RASGRF2: variants seen among roughly 807,000 people sequenced by gnomAD.
RASGRF2 encodes the protein Ras protein specific guanine nucleotide releasing factor 2.
Under a neutral mutation model 151.0 loss-of-function variants are expected in RASGRF2, and 76 were observed. The observed-to-expected ratio is 0.50, with a 90% CI of 0.42 to 0.61. RASGRF2 has a LOEUF of 0.61. RASGRF2 is among the 20% of genes least tolerant of loss of function. The pLI is 0.00. For missense variants in RASGRF2, 1,148 were observed against 1,564.6 expected, an observed-to-expected ratio of 0.73 and a Z score of 4.49; for synonymous variants, 504 against 566.5, an observed-to-expected ratio of 0.89 and a Z score of 1.57.
At chr5:81,132,980 G>A (rs933005421) in intron 17 of RASGRF2, among the ~76,000 whole-genome samples, 2 of 152,186 alleles carry the variant, frequency 1.3e-5, no homozygotes, top group Admixed American at 6.5e-5. Flanking sequence ...CTGCTTTTGA[G>A]TCCAATCCAG....
chr5:81,042,754 T>C, intron 1 of RASGRF2, 123 bp from the exon 2 acceptor site: 1 of 664,328 alleles, frequency 1.5e-6, no homozygotes, highest in Non-Finnish European at 2.6e-6. Flanking sequence ...CATTTTGAAA[T>C]AAAATTTGCA....
intron 22 of RASGRF2, among the ~76,000 whole-genome samples, chr5:81,209,430 G>A (rs1226041029): frequency 1.3e-5 from 2 of 152,142 alleles, no homozygotes; most frequent in East Asian, 1.9e-4. Context: ...AAGGAATAAC[G>A]ATTTTAAAAA....
chr5:81,026,845 G>T (rs1221499437), intron 1 of RASGRF2, among the ~76,000 whole-genome samples: 2 of 152,214 alleles, frequency 1.3e-5, no homozygotes, highest in East Asian at 3.9e-4. Flanking sequence ...ATCAGTAGTT[G>T]CAGGAGCCCA....
At chr5:80,971,508 T>A (rs2112218491) in intron 1 of RASGRF2, among the ~76,000 whole-genome samples, 1 of 151,726 alleles carries the variant, frequency 6.6e-6, no homozygotes, top group African/African-American at 2.4e-5. Flanking sequence ...GCTTAAGTGA[T>A]CCTCCCACCT....
At chr5:81,064,082 G>T (rs1751522750) in intron 2 of RASGRF2, among the ~76,000 whole-genome samples, 1 of 152,188 alleles carries the variant, frequency 6.6e-6, no homozygotes, top group African/African-American at 2.4e-5. Context: ...CTGCCCAAAG[G>T]TATCTCACAA....
At chr5:81,049,327 G>T (rs1750935744) in intron 2 of RASGRF2, among the ~76,000 whole-genome samples, 1 of 152,126 alleles carries the variant, frequency 6.6e-6, no homozygotes, top group South Asian at 2.1e-4. Flanking sequence ...CATATGGATA[G>T]ATAGGTAGAA....
intron 17 of RASGRF2, among the ~76,000 whole-genome samples, chr5:81,160,981 G>C (rs1288437175): frequency 6.6e-6 from 1 of 152,200 alleles, no homozygotes; most frequent in Non-Finnish European, 1.5e-5. Context: ...AGGTAGGTAA[G>C]AAAGAGCTTT....
At chr5:81,099,934 G>A (rs900881262) in intron 12 of RASGRF2, among the ~76,000 whole-genome samples, 20 of 134,180 alleles carry the variant, frequency 1.5e-4, no homozygotes, top group African/African-American at 5.5e-4. Flanking sequence ...TTGAGACAGA[G>A]TCTCGCCCTG....
intron 12 of RASGRF2, among the ~76,000 whole-genome samples, chr5:81,097,711 T>C (rs1038195041): frequency 2.6e-5 from 4 of 151,750 alleles, no homozygotes; most frequent in Non-Finnish European, 2.9e-5. Context: ...GACTGTAAAG[T>C]AGGAGGATGC....
At position 81,132,415 on chromosome 5, in the gene RASGRF2, C is replaced by T. The variant is rs532001723; in HGVS notation, c.2686+5252C>T. 4.7e-4 allele frequency among the ~76,000 whole-genome samples: 71 copies of T among 152,188 alleles called. 1 individual carries two copies. Among genetic ancestry groups the T allele is most frequent in the African/African-American group, 1.6e-3 (68 of 41,532 alleles). The stretch of plus-strand genomic sequence containing the variant: ...GTAAAAGAGTTTTGTCTTATTTCTC[C>T]GACTGATCTGGGGAGGTGATACCAG... On this transcript the variant is annotated intron_variant, in intron 17 of 26. Coordinates refer to ENST00000265080, the MANE Select transcript of RASGRF2 (RefSeq NM_006909.3).
At chr5:81,032,340 C>CA (rs1452277637) in intron 1 of RASGRF2, among the ~76,000 whole-genome samples, 8 of 151,914 alleles carry the variant, frequency 5.3e-5, no homozygotes, top group Admixed American at 3.9e-4. Flanking sequence ...AGAGACACAA[C>CA]AAAAAAAGAG....
At chr5:80,981,745 T>A (rs1748309053) in intron 1 of RASGRF2, among the ~76,000 whole-genome samples, 1 of 152,104 alleles carries the variant, frequency 6.6e-6, no homozygotes. Flanking sequence ...TTTGTACTTT[T>A]AGTAGAAAAG....
chr5:81,197,636 CTCTTT>C lies in RASGRF2; in HGVS notation c.2794-3687_2794-3683del, dbSNP rs560215333. The stretch of plus-strand genomic sequence containing the variant: ...TTTTACCAAATATAGTAAAATCTTG[CTCTTT>C]TCTTTTTACCTGATTCGTTGCAATT... On this transcript the variant is annotated intron_variant, in intron 18 of 26. Transcript: ENST00000265080. 1.9e-3 allele frequency among the ~76,000 whole-genome samples: 290 copies of C among 152,232 alleles called. 1 individual carries two copies. Among genetic ancestry groups the C allele is most frequent in the Middle Eastern group, 6.8e-3 (2 of 294 alleles).
chr5:81,018,556 T>G (rs1044486924), intron 1 of RASGRF2, among the ~76,000 whole-genome samples: 1 of 152,180 alleles, frequency 6.6e-6, no homozygotes, highest in African/African-American at 2.4e-5. Flanking sequence ...TACTGAGATA[T>G]GTGAAGATTA....
chr5:81,058,957 C>G (rs891971322), intron 2 of RASGRF2, among the ~76,000 whole-genome samples: 1 of 151,852 alleles, frequency 6.6e-6, no homozygotes, highest in Non-Finnish European at 1.5e-5. Flanking sequence ...GTGCCAAGTC[C>G]CCAGGCCTGG....
At chr5:81,093,124 C>T (rs1198165485) in intron 10 of RASGRF2, among the ~76,000 whole-genome samples, 163 bp downstream of exon 10, 3 of 152,136 alleles carry the variant, frequency 2.0e-5, no homozygotes, top group East Asian at 1.9e-4. Flanking sequence ...CCATTTAATT[C>T]GTTGTCATTT....
intron 4 of RASGRF2, among the ~76,000 whole-genome samples, chr5:81,072,512 C>A (rs1751808273): frequency 6.6e-6 from 1 of 152,174 alleles, no homozygotes; most frequent in Non-Finnish European, 1.5e-5. Context: ...GAATTTACAA[C>A]CTACTTTGTT....
chr5:81,007,772 G>A (rs1201364410), intron 1 of RASGRF2, among the ~76,000 whole-genome samples: 1 of 152,130 alleles, frequency 6.6e-6, no homozygotes. Context: ...GGATAACCAT[G>A]TATTGTTCTT....
intron 1 of RASGRF2, among the ~76,000 whole-genome samples, chr5:81,024,249 A>ATT (rs397884951): frequency 0.021 from 1,529 of 71,668 alleles, 105 homozygotes; most frequent in East Asian, 0.13. Flanking sequence ...TATTCATATA[A>ATT]TTTTTTTTTT....
Sources: allele counts gnomAD v4.1 joint callset (sites outside exome capture counted in the v4.1 genomes callset), GRCh38; gene constraint gnomAD v4.1.1; transcripts MANE v1.5; gene names NCBI Gene and HGNC (gene_info 2026-07-23, HGNC 2026-07-21).